GABRB3: variants seen among roughly 807,000 people sequenced by gnomAD.
GABRB3 encodes gamma-aminobutyric acid type A receptor subunit beta3, also known as gamma-aminobutyric acid receptor subunit beta-3.
A neutral mutation model predicts 52.1 loss-of-function variants in GABRB3; 14 were observed. The observed-to-expected ratio is 0.27, with a 90% CI of 0.18 to 0.42. GABRB3 has a LOEUF of 0.42. Among genes scored for constraint, GABRB3 ranks in the 10% least tolerant of loss-of-function variants. The pLI, the probability that GABRB3 is intolerant of heterozygous loss-of-function variation, is 1.00. For synonymous variants in GABRB3, 260 were observed against 232.3 expected (o/e 1.12, Z -1.08); for missense variants, 307 against 609.1 (o/e 0.50, Z 5.22).
intron 3 of GABRB3, among the ~76,000 whole-genome samples, chr15:26,653,567 G>C (rs1387944093): frequency 1.3e-5 from 2 of 152,180 alleles, no homozygotes; most frequent in Non-Finnish European, 2.9e-5. Flanking sequence ...CAGGGAGACT[G>C]ATTTGAGTAA....
At position 26,549,045 on chromosome 15, in the gene GABRB3, T is replaced by G. The variant is rs1227373333; in HGVS notation, c.1081-911A>C. Among the ~76,000 whole-genome samples, 3 of 152,178 alleles carry G rather than the reference T, an allele frequency of 2.0e-5. No individual in the cohort carries two copies. The East Asian group carries it at 5.8e-4, about 29-fold the overall frequency. On this transcript the variant is annotated intron_variant, in intron 8 of 8. Coordinates refer to ENST00000311550, the MANE Select transcript of GABRB3 (RefSeq NM_000814.6). Reference sequence around the variant, plus strand: ...ACTTCCCTATCTCTCTTCCCTTTCTTTGCCTGGAGGGCCATTTTCTTTGTC... The same window carrying G: ...ACTTCCCTATCTCTCTTCCCTTTCTGTGCCTGGAGGGCCATTTTCTTTGTC...
chr15:26,679,834 C>G (rs1752777495), intron 3 of GABRB3, among the ~76,000 whole-genome samples: 1 of 152,190 alleles, frequency 6.6e-6, no homozygotes, highest in Non-Finnish European at 1.5e-5. Flanking sequence ...ACTCCTCACT[C>G]TCTAAGGCAC....
At chr15:26,696,338 C>T (rs1201274745) in intron 3 of GABRB3, among the ~76,000 whole-genome samples, 1 of 152,088 alleles carries the variant, frequency 6.6e-6, no homozygotes, top group Non-Finnish European at 1.5e-5. Flanking sequence ...AAACCCCGCA[C>T]ACCTTTTTAA....
chr15:26,698,813 C>T (rs745909834), intron 3 of GABRB3, among the ~76,000 whole-genome samples: 1 of 152,098 alleles, frequency 6.6e-6, no homozygotes, highest in African/African-American at 2.4e-5. Context: ...GAAACTTCAT[C>T]TGTTAAAATG....
intron 4 of GABRB3, among the ~76,000 whole-genome samples, chr15:26,597,192 G>A (rs1891424026): frequency 6.6e-6 from 1 of 152,178 alleles, no homozygotes; most frequent in South Asian, 2.1e-4. Context: ...AACTCAAGGA[G>A]TTTTGGAGGG....
intron 3 of GABRB3, among the ~76,000 whole-genome samples, chr15:26,674,431 AGAAAGGAAAG>A (rs1217753185): frequency 2.0e-4 from 19 of 94,072 alleles, no homozygotes; most frequent in Admixed American, 1.2e-3. Flanking sequence ...AGAAAAGAAA[AGAAAGGAAAG>A]GAAAGGAAAG....
chr15:26,749,660 T>G (rs1263054007), intron 3 of GABRB3, among the ~76,000 whole-genome samples: 1 of 152,140 alleles, frequency 6.6e-6, no homozygotes, highest in Non-Finnish European at 1.5e-5. Flanking sequence ...GCATGCAGCT[T>G]TTGGATGGTG....
intron 3 of GABRB3, among the ~76,000 whole-genome samples, chr15:26,764,529 C>G (rs185228384): frequency 6.6e-6 from 1 of 152,096 alleles, no homozygotes; most frequent in Non-Finnish European, 1.5e-5. Context: ...AACGTTTACA[C>G]ATGGCTTCTA....
intron 3 of GABRB3, among the ~76,000 whole-genome samples, chr15:26,638,014 T>G (rs1893102277): frequency 6.6e-6 from 1 of 152,194 alleles, no homozygotes; most frequent in Non-Finnish European, 1.5e-5. Context: ...TAGCCGGGAC[T>G]TCCTATTATT....
intron 4 of GABRB3, among the ~76,000 whole-genome samples, chr15:26,594,943 C>T (rs1891343615): frequency 6.6e-6 from 1 of 152,246 alleles, no homozygotes; most frequent in Non-Finnish European, 1.5e-5. Context: ...GGCACACTTT[C>T]CTCTAAGCCT....
chr15:26,640,311 A>G (rs538329385), intron 3 of GABRB3, among the ~76,000 whole-genome samples: 5 of 152,120 alleles, frequency 3.3e-5, no homozygotes, highest in Non-Finnish European at 1.5e-5. Context: ...AGGTCAGGAG[A>G]TCAAGACCAT....
chr15:26,747,870 C>CT lies in GABRB3; in HGVS notation c.240+24531dup, dbSNP rs980636806. 2.0e-3 allele frequency among the ~76,000 whole-genome samples: 266 copies of CT among 130,268 alleles called. 2 individuals carry two copies. The highest frequency in any genetic ancestry group is 9.4e-3 in the Middle Eastern group (2 of 212). 85.5% of individuals were successfully genotyped at this position (130,268 alleles called of 152,430 possible). On this transcript the variant is annotated intron_variant, in intron 3 of 8. Transcript: ENST00000311550. ...TAAATTAAGGAAATTCTCCCCTATT[C>CT]TTTTTTTTTCTGTAAAAGTCTTGAT...
chr15:26,554,540 T>C (rs1285994474), intron 8 of GABRB3, among the ~76,000 whole-genome samples: 1 of 152,098 alleles, frequency 6.6e-6, no homozygotes. Context: ...CCCGGCTTTA[T>C]AAAGATGACA....
chr15:26,773,421 C>T (rs1394658179), upstream of GABRB3, among the ~76,000 whole-genome samples: 3 of 151,176 alleles, frequency 2.0e-5, no homozygotes, highest in African/African-American at 7.3e-5. Context: ...TCTGGGCTCT[C>T]GGCGGCCGGG....
chr15:26,748,328 G>T (rs1199488601), intron 3 of GABRB3, among the ~76,000 whole-genome samples: 2 of 152,118 alleles, frequency 1.3e-5, no homozygotes, highest in African/African-American at 4.8e-5. Context: ...GAATTCTCCA[G>T]CGAAATTATC....
intron 3 of GABRB3, among the ~76,000 whole-genome samples, chr15:26,649,910 A>G (rs947414875): frequency 2.0e-5 from 3 of 152,164 alleles, no homozygotes; most frequent in Non-Finnish European, 2.9e-5. Flanking sequence ...CAAAGGGGAT[A>G]TTTTATTAGT....
At chr15:26,627,894 C>G (rs1000988931) in intron 3 of GABRB3, among the ~76,000 whole-genome samples, 4 of 152,160 alleles carry the variant, frequency 2.6e-5, no homozygotes, top group African/African-American at 9.7e-5. Flanking sequence ...TGCTATCAAA[C>G]AGCATCCAAT....
At chr15:26,575,810 A>T (rs184855557) in intron 6 of GABRB3, among the ~76,000 whole-genome samples, 23 of 152,328 alleles carry the variant, frequency 1.5e-4, no homozygotes, top group Non-Finnish European at 2.8e-4. Context: ...TTTTCTTCCA[A>T]TCTTAGCCAA....
intron 3 of GABRB3, among the ~76,000 whole-genome samples, chr15:26,730,405 G>C (rs564801324): frequency 2.4e-5 from 3 of 126,956 alleles, no homozygotes; most frequent in East Asian, 2.3e-4. Context: ...GCGACAGAGC[G>C]AGACTCCGTC....
Sources: gnomAD v4.1 joint callset for allele counts (sites outside exome capture counted in the v4.1 genomes callset) on GRCh38, gnomAD v4.1.1 for gene constraint, MANE v1.5 for transcripts, NCBI Gene and HGNC (gene_info 2026-07-23, HGNC 2026-07-21) for gene names.